Variants in SF3B1 observed in about 807,000 individuals in gnomAD.
SF3B1 encodes pre-mRNA processing 10.
Under a neutral mutation model 153.8 loss-of-function variants are expected in SF3B1, and 12 were observed. The ratio of observed to expected loss-of-function variants is 0.08; its 90% CI spans 0.05 to 0.13. The LOEUF is 0.13. Ranked by LOEUF, SF3B1 falls within the 10% of genes least tolerant of loss-of-function variation. The probability of loss-of-function intolerance (pLI) is 1.00; values close to 1 mark genes in which losing one functional copy is unlikely to be tolerated. For missense variants in SF3B1, 513 were observed against 1,606.1 expected, an observed-to-expected ratio of 0.32 and a Z score of 11.63; for synonymous variants, 498 against 525.2, an observed-to-expected ratio of 0.95 and a Z score of 0.71.
chr2:197,434,906 C>G lies in SF3B1; in HGVS notation c.28+66G>C. Reference sequence around the variant, plus strand: ...AGAAACCATAGAAAAAGGCAGAATCCTAGGAAAAAAGGCTTTTATTAGGCT... The same window carrying G: ...AGAAACCATAGAAAAAGGCAGAATCGTAGGAAAAAAGGCTTTTATTAGGCT... On this transcript the variant is annotated intron_variant, in intron 1 of 24. Coordinates refer to ENST00000335508, the MANE Select transcript of SF3B1 (RefSeq NM_012433.4). 3 of 1,536,946 alleles carry G rather than the reference C, an allele frequency of 2.0e-6. No individual in the cohort carries two copies. The South Asian group carries it at 3.4e-5, about 17-fold the overall frequency.
At chr2:197,431,869 T>C (rs187434119) in intron 1 of SF3B1, among the ~76,000 whole-genome samples, 1 of 152,290 alleles carries the variant, frequency 6.6e-6, no homozygotes, top group East Asian at 1.9e-4. Context: ...CTCACACCTG[T>C]AATCCTAGCA....
chr2:197,424,290 G>A (rs552709992), intron 1 of SF3B1, among the ~76,000 whole-genome samples: 1 of 152,134 alleles, frequency 6.6e-6, no homozygotes, highest in Non-Finnish European at 1.5e-5. Flanking sequence ...TTGAGGTCAG[G>A]AGTTCGAGAC....
At chr2:197,412,774 T>G (rs35157131) in intron 6 of SF3B1, among the ~76,000 whole-genome samples, 4 of 150,098 alleles carry the variant, frequency 2.7e-5, no homozygotes, top group Non-Finnish European at 5.9e-5. Context: ...CACCTGAGGT[T>G]GGGAGTTTGA....
chr2:197,394,146 T>C (rs2105975846), intron 23 of SF3B1, among the ~76,000 whole-genome samples: 1 of 152,072 alleles, frequency 6.6e-6, no homozygotes, highest in East Asian at 1.9e-4. Context: ...ATTGTGCCAC[T>C]GCACTCCAGC....
Position 197,401,258 on chromosome 2 carries a change from T to G in SF3B1, c.2496+142A>C. On this transcript the variant is annotated intron_variant, in intron 17 of 24. Transcript: ENST00000335508. This position sits in a 1 kb window ranked among gnomAD's most constrained non-coding sequence, Gnocchi z 4.2. ...TCAAAATGGAAGTTAACTGGCTGACTAAAATCCATCTCCTTTCATAATCAA... is the reference window on the plus strand; with the variant it reads ...TCAAAATGGAAGTTAACTGGCTGACGAAAATCCATCTCCTTTCATAATCAA... 2 of 797,272 alleles carry G rather than the reference T, an allele frequency of 2.5e-6. No homozygotes were observed. The highest frequency in any genetic ancestry group is 4.0e-6 in the Non-Finnish European group (2 of 495,962). 49.4% of individuals were successfully genotyped at this position (797,272 alleles called of 1,614,324 possible).
chr2:197,416,975 A>T, intron 5 of SF3B1, 64 bp from the exon 6 acceptor site: 7 of 1,480,590 alleles, frequency 4.7e-6, no homozygotes, highest in Non-Finnish European at 6.5e-6. Context: ...CCATTAGCGC[A>T]ATCACTTCCA....
intron 11 of SF3B1, among the ~76,000 whole-genome samples, chr2:197,404,349 G>A (rs1419320033): frequency 2.0e-5 from 3 of 151,974 alleles, no homozygotes; most frequent in African/African-American, 4.8e-5. Context: ...GGAGACCGAG[G>A]CAGGTTAATC....
chr2:197,424,487 A>C (rs373821036), intron 1 of SF3B1, among the ~76,000 whole-genome samples: 9 of 140,114 alleles, frequency 6.4e-5, no homozygotes, highest in African/African-American at 1.7e-4. Context: ...GCAAGACTCT[A>C]TCTCTCAAAA....
In SF3B1 at chr2:197,423,791, CATAATT is replaced by C. The variant is rs772443785; in HGVS notation, c.195+11_195+16del. ...CTCAAAAAAATAACTGCCTCTTGTA[CATAATT>C]TGTAACTTACATCTTCAAGTTCAGT... On this transcript the variant is annotated intron_variant, in intron 2 of 24. Transcript: ENST00000335508. 1 of 1,610,762 alleles carries C rather than the reference CATAATT, an allele frequency of 6.2e-7. No homozygotes were observed. The highest frequency in any genetic ancestry group is 8.5e-7 in the Non-Finnish European group (1 of 1,178,756).
intron 6 of SF3B1, among the ~76,000 whole-genome samples, chr2:197,412,776 G>C (rs895420433): frequency 1.3e-4 from 20 of 151,010 alleles, no homozygotes; most frequent in Non-Finnish European, 3.0e-4. Context: ...CCTGAGGTTG[G>C]GAGTTTGACA....
In SF3B1 at chr2:197,391,921, T is replaced by C. The variant is rs1192713921; in HGVS notation, c.*382A>G. On this transcript the variant is annotated 3_prime_UTR_variant, in exon 25 of 25. Coordinates refer to ENST00000335508, the MANE Select transcript of SF3B1 (RefSeq NM_012433.4). The stretch of plus-strand genomic sequence containing the variant: ...AAGCCACTTATTCCACATAAACCAA[T>C]ACTTTATCAAAGTTCCGCATTTTAC... The C allele has an allele frequency of 5.4e-6, 1 of 183,954 alleles. No individual in the cohort carries two copies. Among genetic ancestry groups the C allele is most frequent in the Non-Finnish European group, 1.2e-5 (1 of 86,540 alleles). The allele number at this position is 183,954 out of a possible 1,614,324, so 11.4% of individuals were successfully genotyped here. A position where few individuals can be genotyped will look rare whatever the true frequency, so the allele number is the denominator to read the frequency against.
intron 23 of SF3B1, among the ~76,000 whole-genome samples, chr2:197,394,583 A>C (rs1022795993): frequency 6.6e-5 from 10 of 152,230 alleles, no homozygotes; most frequent in Admixed American, 5.2e-4. Flanking sequence ...CTCGCTGGCT[A>C]ACACAATGGG....
intron 3 of SF3B1, among the ~76,000 whole-genome samples, chr2:197,420,769 G>T (rs978615401): frequency 2.6e-5 from 4 of 152,136 alleles, no homozygotes; most frequent in African/African-American, 7.2e-5. Flanking sequence ...AATGATTACA[G>T]CCAGGCATGA....
chr2:197,409,652 TC>T, intron 7 of SF3B1, 117 bp downstream of exon 7: 1 of 802,016 alleles, frequency 1.2e-6, no homozygotes, highest in Non-Finnish European at 2.1e-6. Flanking sequence ...TCTTAATCTG[TC>T]CCCCAAAAGC....
rs574799844 is a variant in SF3B1 at position 197,432,855 on chromosome 2, G to T, written c.28+2117C>A. Among the ~76,000 whole-genome samples the T allele has an allele frequency of 2.6e-5, 4 of 151,768 alleles. No homozygotes were observed. The East Asian group carries it at 7.7e-4, about 29-fold the overall frequency. Reference sequence around the variant, plus strand: ...CACTTCTGCCTGGGCAACAGAAAAAGACCCTATCTCAAAAAAAAATAAAAA... The same window carrying T: ...CACTTCTGCCTGGGCAACAGAAAAATACCCTATCTCAAAAAAAAATAAAAA... On this transcript the variant is annotated intron_variant, in intron 1 of 24. Transcript: ENST00000335508.
At chr2:197,406,917 G>A (rs190269460) in intron 9 of SF3B1, among the ~76,000 whole-genome samples, 292 of 151,898 alleles carry the variant, frequency 1.9e-3, no homozygotes, top group Non-Finnish European at 2.5e-3. Flanking sequence ...TGAGACTCCC[G>A]TATCTACAAA....
intron 20 of SF3B1, chr2:197,399,027 T>C (rs991058559): frequency 3.9e-6 from 5 of 1,295,970 alleles, no homozygotes; most frequent in African/African-American, 1.5e-5. Flanking sequence ...CATACTTGGA[T>C]GGTATTTACA....
chr2:197,414,345 T>C (rs1349368300), intron 6 of SF3B1, among the ~76,000 whole-genome samples: 1 of 152,132 alleles, frequency 6.6e-6, no homozygotes, highest in Non-Finnish European at 1.5e-5. Flanking sequence ...AAGACAAGAA[T>C]GAGATCCTAG....
At position 197,400,702 on chromosome 2, in the gene SF3B1, T is replaced by C. The variant is rs372023141; in HGVS notation, c.2718+13A>G. 23 of 1,543,288 alleles carry C rather than the reference T, an allele frequency of 1.5e-5. No homozygotes were observed. In the African/African-American group the frequency reaches 1.9e-4, roughly 13 times the overall value. On this transcript the variant is annotated intron_variant, in intron 18 of 24. Transcript: ENST00000335508. The surrounding 1 kb of genome is among the most constrained non-coding windows in gnomAD (Gnocchi z 5.0). Reference sequence around the variant, plus strand: ...TAAAGTTAGTAGCAATGTGCCATAATAGTTTTCATTACCTCTGTAGTCTGT... The same window carrying C: ...TAAAGTTAGTAGCAATGTGCCATAACAGTTTTCATTACCTCTGTAGTCTGT...
Sources: allele counts gnomAD v4.1 joint callset (sites outside exome capture counted in the v4.1 genomes callset), GRCh38; gene constraint gnomAD v4.1.1; non-coding constraint Gnocchi (gnomAD v3.1); transcripts MANE v1.5; gene names NCBI Gene and HGNC (gene_info 2026-07-23, HGNC 2026-07-21).